Variants in ABCB5 observed in about 807,000 individuals in gnomAD.
ABCB5 encodes ATP-binding cassette sub-family B member 5.
ABCB5 carries 155 observed loss-of-function variants against 144.2 expected under a neutral mutation model. The observed-to-expected ratio is 1.08, with a 90% CI of 0.94 to 1.23. The LOEUF (loss-of-function observed/expected upper bound fraction) is 1.23, where lower values mean the gene tolerates loss of function less well. Among genes scored for constraint, ABCB5 ranks in the 50% most tolerant of loss-of-function variants. The probability of loss-of-function intolerance (pLI) is 0.00; values close to 1 mark genes in which losing one functional copy is unlikely to be tolerated. For synonymous variants in ABCB5, 610 were observed against 528.6 expected (o/e 1.15, Z -2.11); for missense variants, 1,830 against 1,520.8 (o/e 1.20, Z -3.38).
intron 22 of ABCB5, among the ~76,000 whole-genome samples, chr7:20,727,870 T>A (rs1782086675): frequency 6.6e-6 from 1 of 152,258 alleles, no homozygotes; most frequent in Admixed American, 6.5e-5. Context: ...CTTTTTATAT[T>A]ACTTTAACAG....
intron 24 of ABCB5, among the ~76,000 whole-genome samples, chr7:20,741,538 T>C (rs1166920386): frequency 6.7e-6 from 1 of 149,014 alleles, no homozygotes; most frequent in Non-Finnish European, 1.5e-5. Context: ...ACTACTACAC[T>C]ACTTTTAAAT....
At chr7:20,627,311 G>A (rs895235389) in intron 3 of ABCB5, among the ~76,000 whole-genome samples, 1 of 152,136 alleles carries the variant, frequency 6.6e-6, no homozygotes, top group African/African-American at 2.4e-5. Flanking sequence ...TATTCTGGAG[G>A]AAGGTAGAGG....
At chr7:20,726,325 A>G (rs1227791017) in intron 21 of ABCB5, among the ~76,000 whole-genome samples, 3 of 151,556 alleles carry the variant, frequency 2.0e-5, no homozygotes, top group Non-Finnish European at 4.4e-5. Context: ...TTGCTAGAAT[A>G]AAATAATTAT....
intron 22 of ABCB5, among the ~76,000 whole-genome samples, chr7:20,727,562 C>G (rs1262728444): frequency 6.6e-6 from 1 of 152,064 alleles, no homozygotes; most frequent in Non-Finnish European, 1.5e-5. Context: ...TGATGAAACC[C>G]CATCTCTACT....
intron 15 of ABCB5, among the ~76,000 whole-genome samples, chr7:20,684,948 T>C (rs775550139): frequency 1.3e-5 from 2 of 152,216 alleles, no homozygotes; most frequent in Non-Finnish European, 2.9e-5. Context: ...CATCTCCTCC[T>C]GGGAAAGTCA....
intron 26 of ABCB5, among the ~76,000 whole-genome samples, chr7:20,745,781 T>G (rs188836201): frequency 9.8e-5 from 15 of 152,374 alleles, no homozygotes; most frequent in African/African-American, 3.4e-4. Flanking sequence ...TTTATCATTT[T>G]TCTTCCTCAC....
chr7:20,622,684 A>G (rs1008145467), intron 1 of ABCB5, among the ~76,000 whole-genome samples: 1 of 152,130 alleles, frequency 6.6e-6, no homozygotes, highest in Non-Finnish European at 1.5e-5. Context: ...AAGACAAGGT[A>G]AGATCCTCAA....
intron 5 of ABCB5, among the ~76,000 whole-genome samples, chr7:20,640,051 T>C (rs562855850): frequency 6.6e-6 from 1 of 152,282 alleles, no homozygotes; most frequent in African/African-American, 2.4e-5. Context: ...TGGTTTTCAG[T>C]GTATTCATCT....
At chr7:20,716,313 T>C (rs1006580253) in intron 20 of ABCB5, among the ~76,000 whole-genome samples, 1 of 152,174 alleles carries the variant, frequency 6.6e-6, no homozygotes, top group East Asian at 1.9e-4. Context: ...CAAGTAATTC[T>C]TGATAATATT....
intron 25 of ABCB5, among the ~76,000 whole-genome samples, chr7:20,743,401 T>C (rs1057108248): frequency 2.0e-5 from 3 of 152,176 alleles, no homozygotes; most frequent in Non-Finnish European, 4.4e-5. Flanking sequence ...TATTCTGTTG[T>C]GGTTTAAGAC....
At chr7:20,652,474 G>A (rs150777917) in intron 13 of ABCB5, among the ~76,000 whole-genome samples, 4,476 of 152,270 alleles carry the variant, frequency 0.029, 251 homozygotes, top group African/African-American at 0.1. Flanking sequence ...GGAGGCTGAG[G>A]CAGGAGAATC....
chr7:20,641,857 T>G (rs910514820), intron 5 of ABCB5: 6 of 152,876 alleles, frequency 3.9e-5, no homozygotes, highest in African/African-American at 1.4e-4. Context: ...GGAATGGAGC[T>G]TTTTGCTTTG....
At chr7:20,629,352 T>C (rs1374865812) in intron 4 of ABCB5, among the ~76,000 whole-genome samples, 3 of 152,176 alleles carry the variant, frequency 2.0e-5, no homozygotes, top group East Asian at 1.9e-4. Context: ...CCCACAATAG[T>C]TCAGCTTGTC....
intron 20 of ABCB5, among the ~76,000 whole-genome samples, chr7:20,710,848 T>C (rs1056216269): frequency 6.7e-6 from 1 of 150,218 alleles, no homozygotes; most frequent in African/African-American, 2.5e-5. Flanking sequence ...CTTTGCACAG[T>C]TTTCCTATTT....
At chr7:20,740,007 G>A (rs1237304308) in intron 24 of ABCB5, among the ~76,000 whole-genome samples, 2 of 152,126 alleles carry the variant, frequency 1.3e-5, no homozygotes, top group Non-Finnish European at 2.9e-5. Flanking sequence ...CGAGGTGGGT[G>A]GATCACGAGG....
At position 20,698,506 on chromosome 7, in the gene ABCB5, A is replaced by G; in HGVS notation, c.2110A>G (p.Thr704Ala). ...LGTLASVLNG[T>A]VHPVFSIIFA... ...GACATTGGCTTCTGTTCTAAATGGAACTGTTCATCCAGTATTTTCCATCAT... is the reference window on the plus strand; with the variant it reads ...GACATTGGCTTCTGTTCTAAATGGAGCTGTTCATCCAGTATTTTCCATCAT... Residue 704 changes from threonine (T) to alanine (A), a missense_variant, in exon 17 of 28, where the codon ACT becomes GCT. Coordinates refer to ENST00000404938, the MANE Select transcript of ABCB5 (RefSeq NM_001163941.2). 6.2e-7 allele frequency: 1 copy of G among 1,603,280 alleles called. No homozygotes were observed. The highest frequency in any genetic ancestry group is 8.5e-7 in the Non-Finnish European group (1 of 1,176,642).
chr7:20,688,615 C>G (rs905433617), intron 16 of ABCB5, among the ~76,000 whole-genome samples: 1 of 152,216 alleles, frequency 6.6e-6, no homozygotes, highest in Admixed American at 6.5e-5. Flanking sequence ...CATCCCATTA[C>G]TGGGTATATA....
intron 14 of ABCB5, among the ~76,000 whole-genome samples, chr7:20,678,043 A>T (rs1785671591): frequency 6.6e-6 from 1 of 152,138 alleles, no homozygotes; most frequent in African/African-American, 2.4e-5. Context: ...CAATACATGC[A>T]CATTAAATAA....
chr7:20,682,440 G>A (rs573696306), intron 15 of ABCB5, among the ~76,000 whole-genome samples: 1 of 152,262 alleles, frequency 6.6e-6, no homozygotes, highest in Admixed American at 6.5e-5. Flanking sequence ...AGGTCTTTAA[G>A]GTTAAAAGGT....
Sources: gnomAD v4.1 joint callset for allele counts (sites outside exome capture counted in the v4.1 genomes callset) on GRCh38, gnomAD v4.1.1 for gene constraint, MANE v1.5 for transcripts, NCBI Gene and HGNC (gene_info 2026-07-23, HGNC 2026-07-21) for gene names.